Variants in ZNF605 observed in about 807,000 individuals in gnomAD.
ZNF605 encodes the protein zinc finger protein 605.
A neutral mutation model predicts 7.9 loss-of-function variants in ZNF605; 9 were observed. The observed-to-expected ratio is 1.14, with a 90% CI of 0.68 to 1.98. The LOEUF (loss-of-function observed/expected upper bound fraction) is 1.98. Among genes scored for constraint, ZNF605 ranks in the 30% most tolerant of loss-of-function variants. ZNF605 has a pLI of 0.00. For synonymous variants in ZNF605, 255 were observed against 260.1 expected (o/e 0.98, Z 0.19); for missense variants, 673 against 762.4 (o/e 0.88, Z 1.38).
In ZNF605 at chr12:132,924,244, T is replaced by G. The variant is rs184852572; in HGVS notation, c.*1129A>C. 2 of 152,332 alleles carry G rather than the reference T, an allele frequency of 1.3e-5. No homozygotes were observed. The highest frequency in any genetic ancestry group is 4.8e-5 in the African/African-American group (2 of 41,586). The allele number at this position is 152,332 out of a possible 1,614,324, so 9.4% of individuals were successfully genotyped here. A position where few individuals can be genotyped will look rare whatever the true frequency, so the allele number is the denominator to read the frequency against. On this transcript the variant is annotated 3_prime_UTR_variant, in exon 5 of 5. Coordinates refer to ENST00000360187, the MANE Select transcript of ZNF605 (RefSeq NM_183238.4). ...CGGACACTGTAGGTCCAGAGTAGCT[T>G]TTAATCTAGAGTTAATTAGCTGCAC... is the stretch of plus-strand genomic sequence containing the variant.
At chr12:132,930,246 C>G (rs952974642) in intron 4 of ZNF605, among the ~76,000 whole-genome samples, 1 of 152,110 alleles carries the variant, frequency 6.6e-6, no homozygotes, top group Admixed American at 6.5e-5. Context: ...GTTGCCCAGG[C>G]GGGCCTGCAA....
Position 132,919,127 on chromosome 12 carries a change from A to G in ZNF605, c.*6246T>C, listed in dbSNP as rs187051432. On this transcript the variant is annotated 3_prime_UTR_variant, in exon 5 of 5. Transcript: ENST00000360187. The stretch of plus-strand genomic sequence containing the variant: ...AACTGCTCCTTTCACATGAGCACGC[A>G]CTAATGAAAATAAAAAGTTAATTCA... 1.3e-5 allele frequency: 2 copies of G among 152,346 alleles called. No individual in the cohort carries two copies. The highest frequency in any genetic ancestry group is 1.3e-4 in the Admixed American group (2 of 15,294). 9.4% of individuals were successfully genotyped at this position (152,346 alleles called of 1,614,324 possible). A position where few individuals can be genotyped will look rare whatever the true frequency, so the allele number is the denominator to read the frequency against.
At chr12:132,945,113 G>A (rs917168722) in intron 3 of ZNF605, 6 of 360,468 alleles carry the variant, frequency 1.7e-5, no homozygotes, top group Non-Finnish European at 2.6e-5. Context: ...TCAGCCTCCC[G>A]AGTAGCTGGG....
intron 3 of ZNF605, among the ~76,000 whole-genome samples, chr12:132,938,762 C>T (rs1168898379): frequency 1.3e-5 from 2 of 152,070 alleles, no homozygotes; most frequent in Non-Finnish European, 2.9e-5. Flanking sequence ...GGGAGAGGCA[C>T]GAGCGGGAAC....
chr12:132,938,256 A>T (rs981723130), intron 3 of ZNF605, among the ~76,000 whole-genome samples: 4 of 152,116 alleles, frequency 2.6e-5, no homozygotes, highest in African/African-American at 9.7e-5. Flanking sequence ...CTGGGATTAC[A>T]GGCAAGAGCC....
chr12:132,932,798 T>C (rs1952320990), intron 4 of ZNF605: 15 of 1,535,898 alleles, frequency 9.8e-6, no homozygotes, highest in South Asian at 3.6e-5. Context: ...GTTTGAGAAT[T>C]TGAAAACCTG....
chr12:132,934,310 A>C (rs1393780624), intron 3 of ZNF605, among the ~76,000 whole-genome samples: 3 of 152,058 alleles, frequency 2.0e-5, no homozygotes, highest in African/African-American at 7.2e-5. Flanking sequence ...ACAACAACAA[A>C]AACAAAAACA....
At position 132,941,519 on chromosome 12, in the gene ZNF605, C is replaced by G. The variant is rs1952440938; in HGVS notation, c.15+4102G>C. The stretch of plus-strand genomic sequence containing the variant: ...TTCCTGAGCGCAGTGCTTCTGAGAA[C>G]AGCCCCAGTCCAAACTACACATCAA... On this transcript the variant is annotated intron_variant, in intron 3 of 4. Transcript: ENST00000360187. The surrounding 1 kb of genome is among the most constrained non-coding windows in gnomAD (Gnocchi z 5.1). Among the ~76,000 whole-genome samples the G allele has an allele frequency of 6.6e-6, 1 of 152,218 alleles. No individual in the cohort carries two copies.
Position 132,936,949 on chromosome 12 carries a change from A to T in ZNF605, c.16-3794T>A, listed in dbSNP as rs113563154. Among the ~76,000 whole-genome samples, 1,479 of 152,360 alleles carry T rather than the reference A, an allele frequency of 9.7e-3. 14 individuals are homozygous for T. Among genetic ancestry groups the T allele is most frequent in the African/African-American group, 0.031 (1,297 of 41,582 alleles). On this transcript the variant is annotated intron_variant, in intron 3 of 4. Transcript: ENST00000360187. ...GCACGGCACAGACTAAGAGAAAATT[A>T]TTTGCAAATTACATACTTGCTAAAG...
intron 3 of ZNF605, chr12:132,944,808 G>A (rs1371780818): frequency 6.5e-6 from 1 of 153,222 alleles, no homozygotes; most frequent in Non-Finnish European, 1.5e-5. Flanking sequence ...TTTTCTTTAT[G>A]TGTAATTATC....
intron 1 of ZNF605, among the ~76,000 whole-genome samples, chr12:132,950,782 A>T (rs2137164109): frequency 6.6e-6 from 1 of 152,176 alleles, no homozygotes. Flanking sequence ...AGACATGTAC[A>T]CACAGACACA....
At chr12:132,950,197 T>G (rs1185150565) in intron 1 of ZNF605, among the ~76,000 whole-genome samples, 2 of 151,996 alleles carry the variant, frequency 1.3e-5, no homozygotes, top group Non-Finnish European at 2.9e-5. Context: ...CCTTTTTGAG[T>G]GAATGCAGAG....
At chr12:132,935,162 G>C (rs1043764321) in intron 3 of ZNF605, among the ~76,000 whole-genome samples, 28 of 152,282 alleles carry the variant, frequency 1.8e-4, no homozygotes, top group African/African-American at 6.3e-4. Context: ...GAGCATTCCA[G>C]TCCCAGCAGC....
In ZNF605 at chr12:132,922,965, G is replaced by A. The variant is rs897626756; in HGVS notation, c.*2408C>T. 10 of 152,300 alleles carry A rather than the reference G, an allele frequency of 6.6e-5. No homozygotes were observed. The highest frequency in any genetic ancestry group is 1.9e-4 in the African/African-American group (8 of 41,436). 9.4% of individuals were successfully genotyped at this position (152,300 alleles called of 1,614,324 possible). A position where few individuals can be genotyped will look rare whatever the true frequency, so the allele number is the denominator to read the frequency against. On this transcript the variant is annotated 3_prime_UTR_variant, in exon 5 of 5. Coordinates refer to ENST00000360187, the MANE Select transcript of ZNF605 (RefSeq NM_183238.4). Reference sequence around the variant, plus strand: ...TCAGGGGGGAGCAGAGCAGAAAATGGGGGAAAAGGGATCAAAGAAATAGGG... The same window carrying A: ...TCAGGGGGGAGCAGAGCAGAAAATGAGGGAAAAGGGATCAAAGAAATAGGG...
intron 3 of ZNF605, among the ~76,000 whole-genome samples, chr12:132,936,962 A>G (rs1161928374): frequency 6.6e-6 from 1 of 152,244 alleles, no homozygotes; most frequent in Non-Finnish European, 1.5e-5. Flanking sequence ...TGCAAATTAC[A>G]TACTTGCTAA....
At position 132,925,941 on chromosome 12, in the gene ZNF605, T is replaced by G. The variant is rs547210481; in HGVS notation, c.1358A>C (p.Glu453Ala). 3.9e-5 allele frequency: 63 copies of G among 1,614,124 alleles called. No homozygotes were observed. The highest frequency in any genetic ancestry group is 5.0e-5 in the Admixed American group (3 of 60,006). Residue 453 changes from glutamate to alanine, a missense_variant, in exon 5 of 5, where the codon GAG becomes GCG. Coordinates refer to ENST00000360187, the MANE Select transcript of ZNF605 (RefSeq NM_183238.4). ...HTGEKPYECS[E>A]CGKAFTQKSS... ...CTTCTGGGTGAAGGCCTTCCCACAC[T>G]CACTGCATTCATAAGGCTTCTCCCC...
chr12:132,934,456 A>G (rs1952340718), intron 3 of ZNF605, among the ~76,000 whole-genome samples: 1 of 152,016 alleles, frequency 6.6e-6, no homozygotes, highest in South Asian at 2.1e-4. Context: ...CTGAAATCTC[A>G]GCACTTTGGG....
rs569461401 is a variant in ZNF605 at position 132,925,109 on chromosome 12, T to G, written c.*264A>C. 5.5e-5 allele frequency: 19 copies of G among 347,160 alleles called. No homozygotes were observed. The highest frequency in any genetic ancestry group is 5.0e-4 in the East Asian group (11 of 21,800). The allele number at this position is 347,160 out of a possible 1,614,324, so 21.5% of individuals were successfully genotyped here. On this transcript the variant is annotated 3_prime_UTR_variant, in exon 5 of 5. Coordinates refer to ENST00000360187, the MANE Select transcript of ZNF605 (RefSeq NM_183238.4). ...GACTTTTGACTAAAAGCTTCTCTAC[T>G]ATCACAACACTAATAAGGTTTTCAC...
At chr12:132,951,529 G>A (rs1346767002) in intron 1 of ZNF605, among the ~76,000 whole-genome samples, 3 of 147,786 alleles carry the variant, frequency 2.0e-5, no homozygotes, top group African/African-American at 5.0e-5. Context: ...TGATGTACAC[G>A]TACGTCACAC....
Sources: allele counts gnomAD v4.1 joint callset (sites outside exome capture counted in the v4.1 genomes callset), GRCh38; gene constraint gnomAD v4.1.1; non-coding constraint Gnocchi (gnomAD v3.1); transcripts MANE v1.5; gene names NCBI Gene and HGNC (gene_info 2026-07-23, HGNC 2026-07-21).